DNAH14: variants seen among roughly 807,000 people sequenced by gnomAD.
The protein encoded by DNAH14 is dynein axonemal heavy chain 14.
A neutral mutation model predicts 520.9 loss-of-function variants in DNAH14; 478 were observed. The ratio of observed to expected loss-of-function variants is 0.92; its 90% CI spans 0.85 to 0.99. The LOEUF is 0.99. Among genes scored for constraint, DNAH14 ranks in the 50% least tolerant of loss-of-function variants. The pLI is 0.00. For missense variants in DNAH14, 4,831 were observed against 5,234.5 expected, an observed-to-expected ratio of 0.92 and a Z score of 2.38; for synonymous variants, 1,581 against 1,757.2, an observed-to-expected ratio of 0.90 and a Z score of 2.51.
At chr1:225,206,319 G>A in intron 40 of DNAH14, 140 bp downstream of exon 40, 2 of 745,854 alleles carry the variant, frequency 2.7e-6, no homozygotes, top group Non-Finnish European at 4.2e-6. Flanking sequence ...TCAAATCTTT[G>A]TGTCTCCCAA....
At chr1:225,358,811 T>G (rs1037168867) in intron 74 of DNAH14, among the ~76,000 whole-genome samples, 159 bp downstream of exon 74, 9 of 152,172 alleles carry the variant, frequency 5.9e-5, no homozygotes, top group Admixed American at 1.3e-4. Context: ...CATGCTGTTC[T>G]CATGATAGTG....
chr1:225,121,059 A>G (rs2077248525), intron 26 of DNAH14, among the ~76,000 whole-genome samples: 1 of 152,206 alleles, frequency 6.6e-6, no homozygotes, highest in African/African-American at 2.4e-5. Flanking sequence ...TATACGCCTT[A>G]TCCAACTAAA....
chr1:224,977,970 C>T (rs1257907832), intron 8 of DNAH14, among the ~76,000 whole-genome samples: 9 of 152,256 alleles, frequency 5.9e-5, no homozygotes, highest in Admixed American at 1.3e-4. Context: ...TGAGATATCA[C>T]CTCACTCCAG....
intron 60 of DNAH14, among the ~76,000 whole-genome samples, chr1:225,314,240 A>G (rs1323323045): frequency 6.6e-6 from 1 of 152,106 alleles, no homozygotes; most frequent in African/African-American, 2.4e-5. Flanking sequence ...AGTCTGTTTT[A>G]TCAGAGACGA....
chr1:225,141,005 G>C lies in DNAH14; in HGVS notation c.4492G>C (p.Asp1498His). The C allele has an allele frequency of 6.5e-7, 1 of 1,546,528 alleles. No homozygotes were observed. The highest frequency in any genetic ancestry group is 8.7e-7 in the Non-Finnish European group (1 of 1,143,844). The change falls in exon 28 of 86, where the codon GAT (aspartate) becomes CAT (histidine). Residue 1498 changes from aspartate to histidine, a missense_variant. By Grantham distance (81) the Asp-to-His change is moderately conservative (BLOSUM62 -1). Coordinates refer to ENST00000682510, the MANE Select transcript of DNAH14 (RefSeq NM_001367479.1). ...LLLKNIFNAE[D>H]FEWTRHLQYK... ...ACTTAAAAATATCTTCAATGCAGAG[G>C]ATTTTGAGTGGACAAGGTAGGTGGA...
Position 225,388,392 on chromosome 1 carries a change from G to T in DNAH14, c.13091G>T (p.Arg4364Ile), listed in dbSNP as rs1256734030. ...VPTLWQKHAY[R>I]SCKPLSSWID... ...AAATCCCAACAGAAACACGCCTACA[G>T]ATCTTGTAAGCCACTGAGTTCCTGG... The change falls in exon 82 of 86, where the codon AGA becomes ATA. Residue 4364 changes from arginine to isoleucine, a missense_variant. By Grantham distance (97) the Arg-to-Ile change is moderately conservative. Transcript: ENST00000682510. 7.9e-6 allele frequency: 12 copies of T among 1,520,178 alleles called. No individual in the cohort carries two copies. The highest frequency in any genetic ancestry group is 1.1e-5 in the Non-Finnish European group (12 of 1,122,364). The allele number at this position is 1,520,178 out of a possible 1,614,324, so 94.2% of individuals were successfully genotyped here.
At chr1:225,114,839 C>T (rs1247892419) in intron 23 of DNAH14, among the ~76,000 whole-genome samples, 1 of 152,154 alleles carries the variant, frequency 6.6e-6, no homozygotes, top group Non-Finnish European at 1.5e-5. Flanking sequence ...CACAAGTCCA[C>T]CACAGGGGGT....
At position 225,085,715 on chromosome 1, in the gene DNAH14, A is replaced by G. The variant is rs535960241; in HGVS notation, c.3499A>G (p.Ile1167Val). 2.0e-4 allele frequency: 313 copies of G among 1,551,464 alleles called. 2 individuals carry two copies. The South Asian group carries it at 3.6e-3, about 18-fold the overall frequency. The change falls in exon 21 of 86, where the codon ATA becomes GTA. Residue 1167 changes from isoleucine (I) to valine (V), a missense_variant. Physicochemically the swap from Ile to Val is conservative, Grantham distance 29 (BLOSUM62 3). Coordinates refer to ENST00000682510, the MANE Select transcript of DNAH14 (RefSeq NM_001367479.1). ...CTTCATAATTCCATCTATAGATGAC[A>G]TATCAGCTCAGTTAGAAGAGTCTCA... ...SIFIIPSIDD[I>V]SAQLEESQVI...
At chr1:225,358,426 A>AT in intron 73 of DNAH14, 70 bp from the exon 74 acceptor site, 4 of 1,291,984 alleles carry the variant, frequency 3.1e-6, no homozygotes, top group Non-Finnish European at 4.1e-6. Flanking sequence ...TTTTTGTTTC[A>AT]TTTTACCATA....
intron 54 of DNAH14, among the ~76,000 whole-genome samples, chr1:225,279,106 C>T (rs956580709): frequency 7.9e-5 from 12 of 152,182 alleles, no homozygotes; most frequent in African/African-American, 2.9e-4. Context: ...AAGCAATTCT[C>T]CTACTTCAGC....
In DNAH14 at chr1:225,240,901, G is replaced by A. The variant is rs540401873; in HGVS notation, c.6748+79G>A. ...AGCAATGCTTGGCTTATAATGATTA[G>A]GTTCATCTTTTAAAATGTTAAGATT... On this transcript the variant is annotated intron_variant, in intron 43 of 85. Transcript: ENST00000682510. The A allele has an allele frequency of 3.8e-6, 4 of 1,039,718 alleles. No homozygotes were observed. The African/African-American group carries it at 4.9e-5, about 13-fold the overall frequency. 64.4% of individuals were successfully genotyped at this position (1,039,718 alleles called of 1,614,324 possible).
chr1:225,158,534 G>A (rs1031890413), intron 34 of DNAH14, among the ~76,000 whole-genome samples: 1 of 152,106 alleles, frequency 6.6e-6, no homozygotes, highest in African/African-American at 2.4e-5. Context: ...TGGACTCGTC[G>A]CTTGTCTACC....
chr1:225,156,839 C>T (rs927072235), intron 34 of DNAH14, among the ~76,000 whole-genome samples: 1 of 134,942 alleles, frequency 7.4e-6, no homozygotes, highest in Non-Finnish European at 1.6e-5. Context: ...CTCAGCCTCC[C>T]AAGTAGCTGG....
chr1:225,228,542 T>C (rs1423694608), intron 41 of DNAH14, among the ~76,000 whole-genome samples: 2 of 152,036 alleles, frequency 1.3e-5, no homozygotes, highest in African/African-American at 4.8e-5. Flanking sequence ...TAGATCTACA[T>C]GCCCAACAAA....
rs957928761 is a variant in DNAH14, at chr1:225,216,793, C to T, written c.6439+9573C>T. 2.7e-4 allele frequency among the ~76,000 whole-genome samples: 41 copies of T among 152,234 alleles called. 1 individual carries two copies. Among genetic ancestry groups the T allele is most frequent in the African/African-American group, 6.5e-4 (27 of 41,546 alleles). On this transcript the variant is annotated intron_variant, in intron 41 of 85. Transcript: ENST00000682510. ...ACACTGTTTATTCTAGTTAGCCATT[C>T]GTCTAATCTTTTTTCAAGGTTTTTA...
intron 3 of DNAH14, among the ~76,000 whole-genome samples, chr1:224,958,732 G>C (rs567246062): frequency 1.3e-5 from 2 of 152,148 alleles, no homozygotes; most frequent in South Asian, 4.1e-4. Flanking sequence ...TCTAGAAAAT[G>C]GGGGAGGAGA....
chr1:225,012,808 C>T (rs529770983), intron 10 of DNAH14, among the ~76,000 whole-genome samples: 5 of 152,244 alleles, frequency 3.3e-5, no homozygotes, highest in Admixed American at 3.3e-4. Flanking sequence ...TTTTCAGCTC[C>T]GTCAGGTCAT....
chr1:225,399,110 T>A lies in DNAH14; in HGVS notation c.13695T>A (p.Phe4565Leu). 1 of 1,552,004 alleles carries A rather than the reference T, an allele frequency of 6.4e-7. No homozygotes were observed. The highest frequency in any genetic ancestry group is 2.4e-5 in the East Asian group (1 of 40,918). The change falls in exon 86 of 86, where the codon TTT becomes TTA. Residue 4565 changes from phenylalanine (F) to leucine (L), a missense_variant. Coordinates refer to ENST00000682510, the MANE Select transcript of DNAH14 (RefSeq NM_001367479.1). ...SNQTDSELYAFECPVYQTPER... is the reference protein window; with the variant it reads ...SNQTDSELYALECPVYQTPER... ...AGACAGATTCAGAACTCTATGCTTTTGAATGCCCAGTTTACCAGACACCTG... is the reference window on the plus strand; with the variant it reads ...AGACAGATTCAGAACTCTATGCTTTAGAATGCCCAGTTTACCAGACACCTG...
chr1:225,244,177 C>A (rs1574254828), intron 43 of DNAH14, among the ~76,000 whole-genome samples: 1 of 152,088 alleles, frequency 6.6e-6, no homozygotes, highest in East Asian at 1.9e-4. Flanking sequence ...GTATGGTGAA[C>A]CAGCCTTGCA....
Sources: gnomAD v4.1 joint callset for allele counts (sites outside exome capture counted in the v4.1 genomes callset) on GRCh38, gnomAD v4.1.1 for gene constraint, MANE v1.5 for transcripts, NCBI Gene and HGNC (gene_info 2026-07-23, HGNC 2026-07-21) for gene names.